FOXP1: variants seen among roughly 807,000 people sequenced by gnomAD.
FOXP1 encodes the protein forkhead box P1.
A neutral mutation model predicts 98.2 loss-of-function variants in FOXP1; 15 were observed. The observed-to-expected ratio is 0.15, with a 90% confidence interval of 0.10 to 0.24. FOXP1 has a LOEUF of 0.24. Among genes scored for constraint, FOXP1 ranks in the 10% least tolerant of loss-of-function variants. The probability of loss-of-function intolerance (pLI) is 1.00; values close to 1 mark genes in which losing one functional copy is unlikely to be tolerated. For missense variants in FOXP1, 633 were observed against 848.5 expected (o/e 0.75, Z 3.15); for synonymous variants, 371 against 314.5 (o/e 1.18, Z -1.90).
intron 5 of FOXP1, among the ~76,000 whole-genome samples, chr3:71,238,156 A>T (rs556937176): frequency 1.3e-5 from 2 of 152,364 alleles, no homozygotes; most frequent in Non-Finnish European, 2.9e-5. Context: ...CTACATATAG[A>T]TTAGCGGGGA....
chr3:71,010,351 G>T (rs996229857), intron 12 of FOXP1, among the ~76,000 whole-genome samples: 1 of 152,142 alleles, frequency 6.6e-6, no homozygotes, highest in African/African-American at 2.4e-5. Flanking sequence ...TTAGCTGTGT[G>T]ACCTTGGGTA....
chr3:71,573,561 A>G (rs1421387216), intron 2 of FOXP1: 1 of 152,236 alleles, frequency 6.6e-6, no homozygotes, highest in Non-Finnish European at 1.5e-5. Flanking sequence ...TATTTAGAAA[A>G]TAAGATGAAC....
intron 6 of FOXP1, among the ~76,000 whole-genome samples, chr3:71,141,907 A>G (rs972188380): frequency 6.6e-6 from 1 of 152,238 alleles, no homozygotes; most frequent in African/African-American, 2.4e-5. Context: ...TCAAATAGCC[A>G]AGGAGCAGAA....
At chr3:71,250,533 C>T (rs886998584) in intron 5 of FOXP1, among the ~76,000 whole-genome samples, 2 of 152,172 alleles carry the variant, frequency 1.3e-5, no homozygotes, top group Admixed American at 6.5e-5. Flanking sequence ...TCATGACAAT[C>T]GGATCTTAAG....
chr3:71,571,443 A>G (rs2047334653), intron 2 of FOXP1: 1 of 152,174 alleles, frequency 6.6e-6, no homozygotes, highest in South Asian at 2.1e-4. Flanking sequence ...ATCTACCTTT[A>G]TACTCATTTT....
Position 71,559,686 on chromosome 3 carries a change from A to C in FOXP1, c.-298+21863T>G, listed in dbSNP as rs185420497. On this transcript the variant is annotated intron_variant, in intron 2 of 20. Coordinates refer to ENST00000649528, the MANE Select transcript of FOXP1 (RefSeq NM_001349338.3). ...AACTGTGAAATCTCATCTTTATAAA[A>C]ACTTAAAAAAATTAGCTGGGCATGG... Among the ~76,000 whole-genome samples the C allele has an allele frequency of 3.9e-3, 596 of 152,278 alleles. 3 individuals carry two copies. The highest frequency in any genetic ancestry group is 0.013 in the African/African-American group (546 of 41,554).
chr3:71,362,828 T>A (rs1208022816), intron 3 of FOXP1, among the ~76,000 whole-genome samples: 1 of 152,256 alleles, frequency 6.6e-6, no homozygotes, highest in Non-Finnish European at 1.5e-5. Context: ...TGCTTATGTG[T>A]GTTTTTTGAA....
intron 6 of FOXP1, among the ~76,000 whole-genome samples, chr3:71,165,034 C>A (rs1287115942): frequency 2.6e-5 from 4 of 152,222 alleles, no homozygotes; most frequent in Non-Finnish European, 5.9e-5. Context: ...AATGTAGATT[C>A]TTCAAGGAAT....
At chr3:71,344,080 C>T (rs1363953099) in intron 4 of FOXP1, among the ~76,000 whole-genome samples, 2 of 152,212 alleles carry the variant, frequency 1.3e-5, no homozygotes, top group Non-Finnish European at 2.9e-5. Flanking sequence ...TCCTGTTGGC[C>T]CTTGCCCTCA....
chr3:71,148,375 G>A (rs927332716), intron 6 of FOXP1, among the ~76,000 whole-genome samples: 11 of 137,638 alleles, frequency 8.0e-5, no homozygotes, highest in South Asian at 2.7e-4. Context: ...AACGAGACTC[G>A]GTCTCAAAAA....
In FOXP1 at chr3:71,486,344, G is replaced by A. The variant is rs181574185; in HGVS notation, c.-168+7082C>T. On this transcript the variant is annotated intron_variant, in intron 3 of 20. Transcript: ENST00000649528. The stretch of plus-strand genomic sequence containing the variant: ...TTATAAATATTACTAAAATCTGATC[G>A]AATACAGAAGGAATAAAAAGATTTT... Among the ~76,000 whole-genome samples the A allele has an allele frequency of 3.0e-4, 45 of 152,200 alleles. No individual in the cohort carries two copies. In the East Asian group the frequency reaches 6.9e-3, roughly 24 times the overall value.
chr3:71,519,065 G>A (rs953485405), intron 2 of FOXP1, among the ~76,000 whole-genome samples: 1 of 152,222 alleles, frequency 6.6e-6, no homozygotes, highest in African/African-American at 2.4e-5. Context: ...GGCCAACACG[G>A]TGAAACCCCA....
At chr3:71,208,173 C>CA (rs2064186937) in intron 5 of FOXP1, among the ~76,000 whole-genome samples, 1 of 152,166 alleles carries the variant, frequency 6.6e-6, no homozygotes, top group African/African-American at 2.4e-5. Flanking sequence ...GCAAGATAGA[C>CA]ACAGTAACAC....
chr3:71,128,136 C>T (rs903861539), intron 6 of FOXP1, among the ~76,000 whole-genome samples: 2 of 152,098 alleles, frequency 1.3e-5, no homozygotes, highest in Non-Finnish European at 2.9e-5. Flanking sequence ...CTGGGCCAGG[C>T]ACTGTGCTAG....
intron 11 of FOXP1, among the ~76,000 whole-genome samples, chr3:71,023,918 C>A (rs2045775849): frequency 1.3e-5 from 2 of 152,178 alleles, no homozygotes; most frequent in Non-Finnish European, 2.9e-5. Flanking sequence ...TCGCAACGAC[C>A]TTTTCTAAGA....
At chr3:71,393,954 C>CA (rs2081211507) in intron 3 of FOXP1, among the ~76,000 whole-genome samples, 1 of 152,184 alleles carries the variant, frequency 6.6e-6, no homozygotes, top group Non-Finnish European at 1.5e-5. Flanking sequence ...CTCGGCCTCC[C>CA]AAAGTGTTGG....
At chr3:71,325,245 G>T (rs911859949) in intron 4 of FOXP1, among the ~76,000 whole-genome samples, 1 of 151,968 alleles carries the variant, frequency 6.6e-6, no homozygotes, top group African/African-American at 2.4e-5. Flanking sequence ...TAGAAATGGG[G>T]TTTCACCATG....
chr3:71,189,511 A>G (rs2062840794), intron 6 of FOXP1, among the ~76,000 whole-genome samples: 2 of 152,218 alleles, frequency 1.3e-5, no homozygotes, highest in African/African-American at 4.8e-5. Flanking sequence ...CTTTTTCAAA[A>G]TAAGCCCATC....
At chr3:71,233,765 C>G (rs1013808941) in intron 5 of FOXP1, among the ~76,000 whole-genome samples, 1 of 151,988 alleles carries the variant, frequency 6.6e-6, no homozygotes, top group Admixed American at 6.6e-5. Context: ...AAAAGAGGAT[C>G]AGGACTTGTA....
Sources: allele counts gnomAD v4.1 joint callset (sites outside exome capture counted in the v4.1 genomes callset), GRCh38; gene constraint gnomAD v4.1.1; transcripts MANE v1.5; gene names NCBI Gene and HGNC (gene_info 2026-07-23, HGNC 2026-07-21).